AARSD1: variants seen among roughly 807,000 people sequenced by gnomAD.
The protein encoded by AARSD1 is alanyl-tRNA editing protein Aarsd1.
A neutral mutation model predicts 48.7 loss-of-function variants in AARSD1; 44 were observed. The observed-to-expected ratio is 0.90, with a 90% CI of 0.71 to 1.16. AARSD1 has a LOEUF of 1.16. Among genes scored for constraint, AARSD1 ranks in the 50% most tolerant of loss-of-function variants. The pLI is 0.00. For missense variants in AARSD1, 511 were observed against 523.1 expected (o/e 0.98, Z 0.23); for synonymous variants, 189 against 194.9 (o/e 0.97, Z 0.25).
At chr17:42,953,695 C>A in intron 10 of AARSD1, 29 bp downstream of exon 10, 1 of 1,614,076 alleles carries the variant, frequency 6.2e-7, no homozygotes, top group Non-Finnish European at 8.5e-7. Context: ...CTATCCAGGC[C>A]GGGGTAGAGA....
At chr17:42,952,744 A>T (rs933327716) in intron 10 of AARSD1, among the ~76,000 whole-genome samples, 1 of 152,112 alleles carries the variant, frequency 6.6e-6, no homozygotes, top group Non-Finnish European at 1.5e-5. Context: ...AGGAGTGGGA[A>T]GAGTAAGTAA....
chr17:42,956,431 C>T lies in AARSD1; in HGVS notation c.519G>A (p.Leu173=). Residue 173 remains leucine, a synonymous_variant, in exon 5 of 12, where the codon CTG becomes CTA. Transcript: ENST00000427569. ...RDRLPVNVRE[L]SLDDPEVEQV... ...GCTCCACCTCAGGATCATCCAGGCT[C>T]AGTTCTCGGACATTCACAGGCAGCC... is the stretch of plus-strand genomic sequence containing the variant. 1 of 1,614,078 alleles carries T rather than the reference C, an allele frequency of 6.2e-7. No homozygotes were observed. The highest frequency in any genetic ancestry group is 8.5e-7 in the Non-Finnish European group (1 of 1,180,012).
At chr17:42,951,692 T>C in intron 11 of AARSD1, 108 bp downstream of exon 11, 2 of 1,199,028 alleles carry the variant, frequency 1.7e-6, no homozygotes, top group Non-Finnish European at 1.2e-6. Flanking sequence ...ATGCCCATGA[T>C]GTGAATTAAA....
chr17:42,964,233 G>A lies in AARSD1; in HGVS notation c.44C>T (p.Thr15Ile), dbSNP rs756164870. 3 of 1,613,272 alleles carry A rather than the reference G, an allele frequency of 1.9e-6. No individual in the cohort carries two copies. Among genetic ancestry groups the A allele is most frequent in the Non-Finnish European group, 2.5e-6 (3 of 1,179,962 alleles). Reference sequence around the variant, plus strand: ...GGGACAGCAGGAGACCACGGTGGTGGTGAACTGAACAGAGAGGAATGAGAG... The same window carrying A: ...GGGACAGCAGGAGACCACGGTGGTGATGAACTGAACAGAGAGGAATGAGAG... ...CQRDSYAREF[T>I]TTVVSCCPAE... The change falls in exon 2 of 12, where the codon ACC (threonine) becomes ATC (isoleucine). Residue 15 changes from threonine to isoleucine, a missense_variant. Coordinates refer to ENST00000427569, the MANE Select transcript of AARSD1 (RefSeq NM_001261434.2).
chr17:42,957,161 T>C lies in AARSD1; in HGVS notation c.366A>G (p.Leu122=), dbSNP rs2049569027. The C allele has an allele frequency of 1.9e-6, 3 of 1,613,602 alleles. No individual in the cohort carries two copies. Among genetic ancestry groups the C allele is most frequent in the East Asian group, 2.2e-5 (1 of 44,836 alleles). Reference sequence around the variant, plus strand: ...ACCATGATGTTGTCTTCAGCTTAAATAGATGGTCAGCAACTGCCGTGATGA... The same window carrying C: ...ACCATGATGTTGTCTTCAGCTTAAACAGATGGTCAGCAACTGCCGTGATGA... ...QHLITAVADH[L]FKLKTTSWEL... The change falls in exon 4 of 12, where the codon CTA becomes CTG. Residue 122 remains leucine, a synonymous_variant. Coordinates refer to ENST00000427569, the MANE Select transcript of AARSD1 (RefSeq NM_001261434.2).
chr17:42,964,144 G>C lies in AARSD1; in HGVS notation c.133C>G (p.Leu45Val), dbSNP rs1188198103. Residue 45 changes from leucine to valine, a missense_variant, in exon 2 of 12, where the codon CTG becomes GTG. Physicochemically the swap from Leu to Val is conservative, Grantham distance 32. Transcript: ENST00000427569. ...TCAGGGAAAAGCACTGTGTCTTCCA[G>C]CACCACTTGGAAACCGCTCAGCACT... ...KEVLSGFQVVLEDTVLFPEGG... is the reference protein window; with the variant it reads ...KEVLSGFQVVVEDTVLFPEGG... 6.2e-7 allele frequency: 1 copy of C among 1,614,228 alleles called. No homozygotes were observed. Among genetic ancestry groups the C allele is most frequent in the East Asian group, 2.2e-5 (1 of 44,892 alleles).
At chr17:42,954,809 AGAG>A (rs1355769937) in intron 9 of AARSD1, 64 bp downstream of exon 9, 5 of 1,534,886 alleles carry the variant, frequency 3.3e-6, no homozygotes, top group Non-Finnish European at 4.5e-6. Context: ...CATTGCATAT[AGAG>A]AAGACACTGA....
Position 42,955,205 on chromosome 17 carries a change from C to A in AARSD1, c.814G>T (p.Val272Leu). The change falls in exon 8 of 12, where the codon GTG becomes TTG. Residue 272 changes from valine to leucine, a missense_variant. Coordinates refer to ENST00000427569, the MANE Select transcript of AARSD1 (RefSeq NM_001261434.2). Reference sequence around the variant, plus strand: ...TTCTGGAGCTTTTTCACTGCTTCCACATGATCCTCTGCTCCACACCTGAAA... The same window carrying A: ...TTCTGGAGCTTTTTCACTGCTTCCAAATGATCCTCTGCTCCACACCTGAAA... ...ALLKCGAEDHVEAVKKLQNST... is the reference protein window; with the variant it reads ...ALLKCGAEDHLEAVKKLQNST... The A allele has an allele frequency of 6.2e-7, 1 of 1,614,108 alleles. No individual in the cohort carries two copies. Among genetic ancestry groups the A allele is most frequent in the Non-Finnish European group, 8.5e-7 (1 of 1,180,012 alleles).
Position 42,950,740 on chromosome 17 carries a change from AG to A in AARSD1, c.1104-13del, listed in dbSNP as rs768311287. On this transcript the variant is annotated splice_polypyrimidine_tract_variant and intron_variant, in intron 11 of 11. Transcript: ENST00000427569. ...GGACCTCAGCCACCCTGGGGAACAG[AG>A]GTATAGTCAGGGAGACTTTGAGGGA... is the stretch of plus-strand genomic sequence containing the variant. The A allele has an allele frequency of 1.9e-5, 30 of 1,604,896 alleles. No homozygotes were observed. The highest frequency in any genetic ancestry group is 8.7e-5 in the Admixed American group (5 of 57,378).
chr17:42,960,495 G>A (rs1421124463), intron 3 of AARSD1, among the ~76,000 whole-genome samples: 2 of 151,722 alleles, frequency 1.3e-5, no homozygotes, highest in African/African-American at 4.8e-5. Flanking sequence ...GGTCAAGGCA[G>A]GCGGATCATC....
chr17:42,957,809 A>G (rs1016923117), intron 3 of AARSD1, among the ~76,000 whole-genome samples: 1 of 152,078 alleles, frequency 6.6e-6, no homozygotes, highest in Non-Finnish European at 1.5e-5. Context: ...CCATTCAACA[A>G]GTATTTATTG....
chr17:42,963,459 G>A (rs1446660760), intron 2 of AARSD1, among the ~76,000 whole-genome samples: 3 of 151,622 alleles, frequency 2.0e-5, no homozygotes, highest in South Asian at 4.2e-4. Context: ...TTCTCATAAT[G>A]CCCACCTTTG....
At chr17:42,963,131 A>G (rs143941225) in intron 2 of AARSD1, among the ~76,000 whole-genome samples, 34 of 151,550 alleles carry the variant, frequency 2.2e-4, no homozygotes, top group African/African-American at 8.2e-4. Flanking sequence ...CCCCACGCTG[A>G]AGTGCAGTGG....
intron 4 of AARSD1, 57 bp downstream of exon 4, chr17:42,957,081 C>T (rs2049567205): frequency 4.4e-6 from 7 of 1,603,522 alleles, no homozygotes; most frequent in African/African-American, 1.3e-5. Flanking sequence ...CCACCTCCGC[C>T]TCCCTCCCAG....
Position 42,955,956 on chromosome 17 carries a change from C to T in AARSD1, c.680G>A (p.Gly227Asp). The change falls in exon 7 of 12, where the codon GGC becomes GAC. Residue 227 changes from glycine to aspartate, a missense_variant. Transcript: ENST00000427569. ...LSDLQVIKIL[G>D]TEKGKKNRTN... ...TCTGTTCTTTTTCCCCTTCTCAGTG[C>T]CCAGAATCTTAATGACCTACATGAG... The T allele has an allele frequency of 1.2e-6, 2 of 1,614,114 alleles. No individual in the cohort carries two copies. Among genetic ancestry groups the T allele is most frequent in the Non-Finnish European group, 1.7e-6 (2 of 1,180,034 alleles).
At chr17:42,953,592 G>T in intron 10 of AARSD1, 132 bp downstream of exon 10, 2 of 1,166,992 alleles carry the variant, frequency 1.7e-6, no homozygotes, top group Non-Finnish European at 2.5e-6. Context: ...TAAGAAAACA[G>T]TATTGAATGA....
intron 11 of AARSD1, 30 bp from the exon 12 acceptor site, chr17:42,950,758 T>C (rs1254005651): frequency 2.6e-5 from 41 of 1,582,476 alleles, no homozygotes; most frequent in Non-Finnish European, 3.5e-5. Flanking sequence ...TCAGGGAGAC[T>C]TTGAGGGAAA....
chr17:42,961,314 A>C lies in AARSD1; in HGVS notation c.209T>G (p.Leu70Arg), dbSNP rs1451488614. The C allele has an allele frequency of 6.2e-7, 1 of 1,614,158 alleles. No individual in the cohort carries two copies. Among genetic ancestry groups the C allele is most frequent in the East Asian group, 2.2e-5 (1 of 44,886 alleles). Reference sequence around the variant, plus strand: ...CTGTTCCCCACGGCGAGTCACTCTCAGCACAGAGATGTCATTGATTGTACC... The same window carrying C: ...CTGTTCCCCACGGCGAGTCACTCTCCGCACAGAGATGTCATTGATTGTACC... The part of the protein sequence containing the change: ...DRGTINDISV[L>R]RVTRRGEQAD... Residue 70 changes from leucine (L) to arginine (R), a missense_variant, in exon 3 of 12, where the codon CTG becomes CGG. Physicochemically the swap from Leu to Arg is moderately radical, Grantham distance 102. Coordinates refer to ENST00000427569, the MANE Select transcript of AARSD1 (RefSeq NM_001261434.2).
chr17:42,956,026 A>G, intron 6 of AARSD1, 54 bp from the exon 7 acceptor site: 1 of 1,611,992 alleles, frequency 6.2e-7, no homozygotes, highest in Non-Finnish European at 8.5e-7. Context: ...TGCATAAACC[A>G]CAGCGGATCC....
Sources: gnomAD v4.1 joint callset for allele counts (sites outside exome capture counted in the v4.1 genomes callset) on GRCh38, gnomAD v4.1.1 for gene constraint, MANE v1.5 for transcripts, NCBI Gene and HGNC (gene_info 2026-07-23, HGNC 2026-07-21) for gene names.